The following WNT10A variants were observed in gnomAD, a reference collection of about 807,000 sequenced individuals.
WNT10A encodes the protein protein Wnt-10a.
In WNT10A, 37 loss-of-function variants were observed where a neutral mutation model predicts 36.1. The observed-to-expected ratio is 1.02, with a 90% confidence interval of 0.79 to 1.35. WNT10A has a LOEUF of 1.35. Ranked by LOEUF, WNT10A falls within the 40% of genes most tolerant of loss-of-function variation. WNT10A has a pLI of 0.00. For synonymous variants in WNT10A, 255 were observed against 254.1 expected (o/e 1.00, Z -0.03); for missense variants, 613 against 601.4 (o/e 1.02, Z -0.20).
At chr2:218,881,245 A>G in intron 1 of WNT10A, 137 bp downstream of exon 1, 1 of 1,299,774 alleles carries the variant, frequency 7.7e-7, no homozygotes, top group Non-Finnish European at 1.1e-6. Flanking sequence ...GTGCCCAACC[A>G]AAGGCAGTGA....
Position 218,893,506 on chromosome 2 carries a change from C to G in WNT10A, c.*235C>G, listed in dbSNP as rs999724590. The G allele has an allele frequency of 2.0e-6, 1 of 509,766 alleles. No homozygotes were observed. Among genetic ancestry groups the G allele is most frequent in the East Asian group, 3.3e-5 (1 of 29,908 alleles). The allele number at this position is 509,766 out of a possible 1,614,324, so 31.6% of individuals were successfully genotyped here. ...AGGACTGACTGGGTTCTTCCTCCCT[C>G]CCCGAAGCCCAGACAGTTCAGTTGG... On this transcript the variant is annotated 3_prime_UTR_variant, in exon 4 of 4. Coordinates refer to ENST00000258411, the MANE Select transcript of WNT10A (RefSeq NM_025216.3). The surrounding 1 kb of genome is among the most constrained non-coding windows in gnomAD (Gnocchi z 6.3).
At chr2:218,878,748 T>C (rs1944475592), upstream of WNT10A, among the ~76,000 whole-genome samples, 1 of 152,168 alleles carries the variant, frequency 6.6e-6, no homozygotes, top group African/African-American at 2.4e-5. The surrounding 1 kb of genome is among the most constrained non-coding windows in gnomAD (Gnocchi z 4.1). Flanking sequence ...ATCTGTAAGC[T>C]GATTATGAGT....
intron 2 of WNT10A, among the ~76,000 whole-genome samples, chr2:218,886,234 A>G (rs994473571): frequency 2.6e-5 from 4 of 152,098 alleles, no homozygotes; most frequent in African/African-American, 7.2e-5. Flanking sequence ...CACACACACC[A>G]AACACCTACT....
chr2:218,882,374 C>T lies in WNT10A; in HGVS notation c.327C>T (p.Ser109=), dbSNP rs754001343. The T allele has an allele frequency of 3.1e-6, 5 of 1,614,188 alleles. No homozygotes were observed. Among genetic ancestry groups the T allele is most frequent in the Non-Finnish European group, 3.4e-6 (4 of 1,180,020 alleles). The part of the protein sequence containing the change: ...QFRDQRWNCS[S]LETRNKIPYE... ...GGGACCAGCGCTGGAACTGCTCAAGCCTGGAGACTCGCAACAAGATCCCCT... is the reference window on the plus strand; with the variant it reads ...GGGACCAGCGCTGGAACTGCTCAAGTCTGGAGACTCGCAACAAGATCCCCT... Residue 109 remains serine (S), a synonymous_variant, in exon 2 of 4, where the codon AGC becomes AGT. Coordinates refer to ENST00000258411, the MANE Select transcript of WNT10A (RefSeq NM_025216.3).
intron 3 of WNT10A, among the ~76,000 whole-genome samples, chr2:218,891,576 C>T (rs932372419): frequency 6.6e-6 from 1 of 152,182 alleles, no homozygotes; most frequent in African/African-American, 2.4e-5. Context: ...AGCTCTTTTC[C>T]CAAGCCTCAC....
At chr2:218,881,600 G>A (rs1944517020) in intron 1 of WNT10A, among the ~76,000 whole-genome samples, 1 of 152,042 alleles carries the variant, frequency 6.6e-6, no homozygotes, top group Non-Finnish European at 1.5e-5. Context: ...CCAGCAAACT[G>A]TGTTGGTAAA....
At chr2:218,875,789 T>C in the WNT10A span, among the ~76,000 whole-genome samples, 1 of 152,222 alleles carries the variant, frequency 6.6e-6, no homozygotes, top group Non-Finnish European at 1.5e-5. Context: ...GTCAAACATA[T>C]GTTTAGTAAA....
At chr2:218,881,712 C>G (rs754594992) in intron 1 of WNT10A, among the ~76,000 whole-genome samples, 11 of 152,098 alleles carry the variant, frequency 7.2e-5, no homozygotes, top group Non-Finnish European at 1.6e-4. Context: ...GTGTGTGTGT[C>G]TGTAACTATG....
At position 218,880,916 on chromosome 2, in the gene WNT10A, A is replaced by G; in HGVS notation, c.-80A>G. On this transcript the variant is annotated 5_prime_UTR_variant, in exon 1 of 4. Transcript: ENST00000258411. The surrounding 1 kb of genome is among the most constrained non-coding windows in gnomAD (Gnocchi z 7.7). ...TCGCAGCCGCCCCGACCCCCCGCCGATCATGCGCCGGCGCCCCTGGCTCTC... is the reference window on the plus strand; with the variant it reads ...TCGCAGCCGCCCCGACCCCCCGCCGGTCATGCGCCGGCGCCCCTGGCTCTC... 6.8e-7 allele frequency: 1 copy of G among 1,461,462 alleles called. No homozygotes were observed. Among genetic ancestry groups the G allele is most frequent in the Non-Finnish European group, 9.0e-7 (1 of 1,110,332 alleles). 90.5% of individuals were successfully genotyped at this position (1,461,462 alleles called of 1,614,324 possible).
upstream of WNT10A, among the ~76,000 whole-genome samples, chr2:218,878,351 C>A (rs984910203): frequency 6.6e-6 from 1 of 152,178 alleles, no homozygotes; most frequent in African/African-American, 2.4e-5. The surrounding 1 kb of genome is among the most constrained non-coding windows in gnomAD (Gnocchi z 4.1). Context: ...GGCAGAGCCA[C>A]GCCTGAGTGC....
the WNT10A span, among the ~76,000 whole-genome samples, chr2:218,875,173 T>C: frequency 6.2e-5 from 3 of 48,032 alleles, no homozygotes; most frequent in African/African-American, 3.3e-4. Flanking sequence ...TTTTTTTTTT[T>C]TTTTTTTTTT....
In WNT10A at chr2:218,892,842, G is replaced by A. The variant is rs776303684; in HGVS notation, c.825G>A (p.Thr275=). The A allele has an allele frequency of 4.4e-6, 7 of 1,590,702 alleles. No homozygotes were observed. Among genetic ancestry groups the A allele is most frequent in the African/African-American group, 2.7e-5 (2 of 74,574 alleles). Residue 275 remains threonine, a synonymous_variant, in exon 4 of 4, where the codon ACG becomes ACA. Coordinates refer to ENST00000258411, the MANE Select transcript of WNT10A (RefSeq NM_025216.3). ...CGTCAGGCAGCTGCCAGCTCAAGAC[G>A]TGCTGGCAGGTGACGCCCGAGTTCC... is the stretch of plus-strand genomic sequence containing the variant. The part of the protein sequence containing the change: ...HGTSGSCQLK[T]CWQVTPEFRT...
upstream of WNT10A, among the ~76,000 whole-genome samples, chr2:218,880,017 G>A (rs924143582): frequency 2.0e-5 from 3 of 152,156 alleles, no homozygotes; most frequent in Non-Finnish European, 4.4e-5. The surrounding 1 kb of genome is among the most constrained non-coding windows in gnomAD (Gnocchi z 7.7). Context: ...GGAGGTCTCC[G>A]TGAGCAGGAG....
chr2:218,880,939 C>T lies in WNT10A; in HGVS notation c.-57C>T. 1.3e-6 allele frequency: 2 copies of T among 1,522,624 alleles called. No homozygotes were observed. The highest frequency in any genetic ancestry group is 1.8e-6 in the Non-Finnish European group (2 of 1,135,820). The allele number at this position is 1,522,624 out of a possible 1,614,324, so 94.3% of individuals were successfully genotyped here. On this transcript the variant is annotated 5_prime_UTR_variant, in exon 1 of 4. Transcript: ENST00000258411. The surrounding 1 kb of genome is among the most constrained non-coding windows in gnomAD (Gnocchi z 7.7). The stretch of plus-strand genomic sequence containing the variant: ...CGATCATGCGCCGGCGCCCCTGGCT[C>T]TCCAGTCCCACTGGGCTGTGAGCCC...
rs894186878 is a variant in WNT10A at position 218,893,428 on chromosome 2, T to A, written c.*157T>A. On this transcript the variant is annotated 3_prime_UTR_variant, in exon 4 of 4. Transcript: ENST00000258411. This position sits in a 1 kb window ranked among gnomAD's most constrained non-coding sequence, Gnocchi z 6.3. The stretch of plus-strand genomic sequence containing the variant: ...AACCCCTCAGCTCTGAGGTCTGTGA[T>A]CGCCGGACAGTCCAGGCCTGTCTGA... The A allele has an allele frequency of 2.7e-6, 3 of 1,106,686 alleles. No individual in the cohort carries two copies. The highest frequency in any genetic ancestry group is 3.7e-6 in the Non-Finnish European group (3 of 801,236). 68.6% of individuals were successfully genotyped at this position (1,106,686 alleles called of 1,614,324 possible). A position where few individuals can be genotyped will look rare whatever the true frequency, so the allele number is the denominator to read the frequency against.
upstream of WNT10A, among the ~76,000 whole-genome samples, chr2:218,879,074 C>G (rs1230695928): frequency 1.3e-5 from 2 of 151,474 alleles, no homozygotes; most frequent in East Asian, 1.9e-4. Flanking sequence ...TGCTCCCCCC[C>G]CACTGCCCCA....
chr2:218,881,259 C>T (rs1944509627), intron 1 of WNT10A, 151 bp downstream of exon 1: 2 of 1,192,200 alleles, frequency 1.7e-6, no homozygotes, highest in Non-Finnish European at 1.2e-6. Flanking sequence ...GCAGTGAGCT[C>T]CCTCATAGGA....
intron 2 of WNT10A, among the ~76,000 whole-genome samples, chr2:218,883,637 G>C (rs984785694): frequency 1.3e-5 from 2 of 150,836 alleles, no homozygotes; most frequent in Admixed American, 6.6e-5. Context: ...GTGGCGGCAT[G>C]CAGCCGCGAA....
chr2:218,890,192 C>A lies in WNT10A; in HGVS notation c.585C>A (p.His195Gln). ...GKGLSHGVPE[H>Q]PALPTASPGL... ...GCCTGAGCCATGGGGTCCCGGAACA[C>A]CCAGCCCTGCCCACAGCCAGCCCAG... The change falls in exon 3 of 4, where the codon CAC becomes CAA. Residue 195 changes from histidine to glutamine, a missense_variant. Transcript: ENST00000258411. 3 of 1,614,090 alleles carry A rather than the reference C, an allele frequency of 1.9e-6. No individual in the cohort carries two copies. Among genetic ancestry groups the A allele is most frequent in the Non-Finnish European group, 2.5e-6 (3 of 1,180,018 alleles).
Sources: gnomAD v4.1 joint callset for allele counts (sites outside exome capture counted in the v4.1 genomes callset) on GRCh38, gnomAD v4.1.1 for gene constraint, Gnocchi (gnomAD v3.1) non-coding constraint, MANE v1.5 for transcripts, NCBI Gene and HGNC (gene_info 2026-07-23, HGNC 2026-07-21) for gene names.